Variants in GPHN observed in about 807,000 individuals in gnomAD.
The protein encoded by GPHN is gephyrin.
GPHN carries 17 observed loss-of-function variants against 95.5 expected under a neutral mutation model. The ratio of observed to expected loss-of-function variants is 0.18; its 90% CI spans 0.12 to 0.27. GPHN has a LOEUF of 0.27. Among genes scored for constraint, GPHN ranks in the 10% least tolerant of loss-of-function variants. The pLI, the probability that GPHN is intolerant of heterozygous loss-of-function variation, is 1.00. For missense variants in GPHN, 660 were observed against 978.1 expected, an observed-to-expected ratio of 0.67 and a Z score of 4.34; for synonymous variants, 320 against 322.5, an observed-to-expected ratio of 0.99 and a Z score of 0.08.
At chr14:66,774,293 C>T (rs1285217632) in intron 2 of GPHN, among the ~76,000 whole-genome samples, 7 of 152,104 alleles carry the variant, frequency 4.6e-5, no homozygotes, top group Non-Finnish European at 7.4e-5. Context: ...TGAGCCACCG[C>T]GCCCGGCCAT....
At chr14:67,169,640 A>G (rs2082484431) in intron 21 of GPHN, among the ~76,000 whole-genome samples, 1 of 152,256 alleles carries the variant, frequency 6.6e-6, no homozygotes, top group African/African-American at 2.4e-5. Flanking sequence ...TAATTATGTT[A>G]TACACTTTCT....
the GPHN span, among the ~76,000 whole-genome samples, chr14:67,275,133 T>C: frequency 6.6e-6 from 1 of 152,202 alleles, no homozygotes; most frequent in Non-Finnish European, 1.5e-5. Flanking sequence ...CCCGATTGCC[T>C]TGGCCAAAAC....
At chr14:66,596,952 A>T (rs996169423) in intron 1 of GPHN, among the ~76,000 whole-genome samples, 5 of 152,168 alleles carry the variant, frequency 3.3e-5, no homozygotes, top group African/African-American at 1.2e-4. Context: ...ACCATTCCAG[A>T]CAGGCTGCCG....
the GPHN span, among the ~76,000 whole-genome samples, chr14:67,641,205 ACC>A: frequency 6.6e-6 from 1 of 152,088 alleles, no homozygotes; most frequent in Non-Finnish European, 1.5e-5. Flanking sequence ...ATATAAAATT[ACC>A]TTCAGGCTAT....
chr14:66,984,901 C>G (rs1053105321), intron 9 of GPHN, among the ~76,000 whole-genome samples: 1 of 151,490 alleles, frequency 6.6e-6, no homozygotes, highest in African/African-American at 2.4e-5. Context: ...CTCATTAGAG[C>G]TCTATTTAAA....
At chr14:66,741,488 C>G (rs2072788592) in intron 2 of GPHN, among the ~76,000 whole-genome samples, 1 of 151,780 alleles carries the variant, frequency 6.6e-6, no homozygotes. Flanking sequence ...ATTAGGAAGT[C>G]CATTAATATA....
intron 11 of GPHN, among the ~76,000 whole-genome samples, chr14:67,084,122 C>A (rs2076797076): frequency 6.6e-6 from 1 of 152,132 alleles, no homozygotes; most frequent in African/African-American, 2.4e-5. Context: ...CAAACAGCCA[C>A]AATACAATAT....
chr14:67,620,126 C>T, the GPHN span: 28 of 1,460,924 alleles, frequency 1.9e-5, no homozygotes, highest in Non-Finnish European at 2.6e-5. Context: ...GCAGGATCCT[C>T]CGCCCCCTAG....
intron 2 of GPHN, among the ~76,000 whole-genome samples, chr14:66,695,887 T>A (rs544103325): frequency 6.6e-6 from 1 of 152,248 alleles, no homozygotes; most frequent in South Asian, 2.1e-4. Flanking sequence ...GTACAGAGGA[T>A]TTTTAGGGCA....
At chr14:66,583,931 T>C (rs1220626205) in intron 1 of GPHN, among the ~76,000 whole-genome samples, 12 of 152,048 alleles carry the variant, frequency 7.9e-5, no homozygotes, top group African/African-American at 2.9e-4. Context: ...AGAAAGTCAT[T>C]GGTAGCTTGA....
intron 8 of GPHN, among the ~76,000 whole-genome samples, chr14:66,960,616 C>T (rs2068837252): frequency 6.6e-6 from 1 of 152,058 alleles, no homozygotes; most frequent in Admixed American, 6.6e-5. Flanking sequence ...ACAAACAAAT[C>T]AGAGAAAATC....
chr14:67,194,947 C>A, the GPHN span, among the ~76,000 whole-genome samples: 1 of 152,114 alleles, frequency 6.6e-6, no homozygotes. Flanking sequence ...CGTGAGCCAC[C>A]GTGCCCCTCT....
At chr14:67,232,109 G>C in the GPHN span, among the ~76,000 whole-genome samples, 1 of 152,042 alleles carries the variant, frequency 6.6e-6, no homozygotes, top group Non-Finnish European at 1.5e-5. Context: ...GCTTCCTTTG[G>C]GTACAGATTG....
At chr14:66,712,875 T>A (rs1373175521) in intron 2 of GPHN, among the ~76,000 whole-genome samples, 1 of 152,218 alleles carries the variant, frequency 6.6e-6, no homozygotes, top group Non-Finnish European at 1.5e-5. Flanking sequence ...GTGGTTTTGA[T>A]TTACATTTCT....
At chr14:67,408,309 TAAAATAAAATA>T in the GPHN span, among the ~76,000 whole-genome samples, 3 of 110,884 alleles carry the variant, frequency 2.7e-5, no homozygotes, top group African/African-American at 9.8e-5. Context: ...TAAAATAAAA[TAAAATAAAATA>T]AAATAAAATA....
chr14:67,091,199 G>C (rs911349479), intron 12 of GPHN, among the ~76,000 whole-genome samples: 1 of 151,780 alleles, frequency 6.6e-6, no homozygotes, highest in Non-Finnish European at 1.5e-5. Context: ...ACTTCATTCA[G>C]CTTGATCTCA....
At chr14:66,638,360 G>A (rs535642223) in intron 1 of GPHN, among the ~76,000 whole-genome samples, 21 of 152,208 alleles carry the variant, frequency 1.4e-4, no homozygotes, top group African/African-American at 5.1e-4. Context: ...CTTGAACCAG[G>A]GAGGCAGATG....
intron 2 of GPHN, among the ~76,000 whole-genome samples, chr14:66,760,088 C>A (rs2058704474): frequency 6.6e-6 from 1 of 152,130 alleles, no homozygotes; most frequent in Admixed American, 6.6e-5. Flanking sequence ...ACAGCACTTA[C>A]AATATTTGAA....
chr14:66,751,309 A>G (rs1257797521), intron 2 of GPHN, among the ~76,000 whole-genome samples: 1 of 152,020 alleles, frequency 6.6e-6, no homozygotes, highest in Non-Finnish European at 1.5e-5. Context: ...TATTCCCACT[A>G]ACAGTCTATA....
Sources: allele counts gnomAD v4.1 joint callset (sites outside exome capture counted in the v4.1 genomes callset), GRCh38; gene constraint gnomAD v4.1.1; transcripts MANE v1.5; gene names NCBI Gene and HGNC (gene_info 2026-07-23, HGNC 2026-07-21).